Variants in RPTOR observed in about 807,000 individuals in gnomAD.
The protein encoded by RPTOR is regulatory associated protein of MTOR complex 1, also known as regulatory-associated protein of mTOR.
In RPTOR, 21 loss-of-function variants were observed where a neutral mutation model predicts 169.9. The observed-to-expected ratio is 0.12, with a 90% CI of 0.09 to 0.18. The LOEUF (loss-of-function observed/expected upper bound fraction) is 0.18, where lower values mean the gene tolerates loss of function less well. Among genes scored for constraint, RPTOR ranks in the 10% least tolerant of loss-of-function variants. The pLI is 1.00. For missense variants in RPTOR, 1,133 were observed against 1,855.9 expected, an observed-to-expected ratio of 0.61 and a Z score of 7.16; for synonymous variants, 732 against 753.2, an observed-to-expected ratio of 0.97 and a Z score of 0.46.
chr17:80,576,851 G>A (rs1038024129), intron 1 of RPTOR, among the ~76,000 whole-genome samples: 1 of 152,080 alleles, frequency 6.6e-6, no homozygotes, highest in Non-Finnish European at 1.5e-5. Flanking sequence ...CAGCAGGTGT[G>A]TACCACCACA....
At chr17:80,831,766 CCTGTGTGTCA>C (rs558017021) in intron 9 of RPTOR, among the ~76,000 whole-genome samples, 471 of 148,510 alleles carry the variant, frequency 3.2e-3, no homozygotes, top group Non-Finnish European at 5.2e-3. Context: ...ACTATGTATC[CCTGTGTGTCA>C]CTGTGTATCC....
At chr17:80,591,506 G>A (rs1415931515) in intron 1 of RPTOR, among the ~76,000 whole-genome samples, 1 of 150,998 alleles carries the variant, frequency 6.6e-6, no homozygotes. Context: ...AGCCTCCCGA[G>A]TAGCTGGGAC....
intron 5 of RPTOR, among the ~76,000 whole-genome samples, chr17:80,751,402 G>A (rs192963135): frequency 5.3e-5 from 8 of 152,276 alleles, no homozygotes; most frequent in African/African-American, 1.4e-4. Context: ...TGTCCTCGTC[G>A]TCACAGCTCT....
intron 17 of RPTOR, among the ~76,000 whole-genome samples, chr17:80,891,367 T>C (rs1203367903): frequency 1.3e-5 from 2 of 152,238 alleles, no homozygotes; most frequent in South Asian, 2.1e-4. Context: ...AGGGTCCCAG[T>C]GGTCACCGTA....
Position 80,892,849 on chromosome 17 carries a change from A to G in RPTOR, c.2222A>G (p.Asn741Ser). Residue 741 changes from asparagine to serine, a missense_variant, in exon 19 of 34, where the codon AAC becomes AGC. Coordinates refer to ENST00000306801, the MANE Select transcript of RPTOR (RefSeq NM_020761.3). ...TARSLNKSLQNLSLTEESGGA... is the reference protein window; with the variant it reads ...TARSLNKSLQSLSLTEESGGA... ...AGGAGCCTCAACAAATCTTTGCAGA[A>G]CCTGAGTTTGACAGAGGAATGTAAG... The G allele has an allele frequency of 6.2e-7, 1 of 1,614,126 alleles. No homozygotes were observed.
intron 12 of RPTOR, among the ~76,000 whole-genome samples, chr17:80,857,378 C>A (rs2067864655): frequency 6.6e-6 from 1 of 150,700 alleles, no homozygotes; most frequent in Non-Finnish European, 1.5e-5. Context: ...GGAGAGGTGG[C>A]CATGCCGTCA....
At chr17:80,948,267 G>A (rs1188069643) in intron 27 of RPTOR, among the ~76,000 whole-genome samples, 6 of 152,362 alleles carry the variant, frequency 3.9e-5, no homozygotes, top group East Asian at 3.9e-4. Flanking sequence ...ACGCGGTTGC[G>A]GGCTCCTGGT....
At chr17:80,925,329 T>TG (rs2068798699) in intron 23 of RPTOR, 41 bp from the exon 24 acceptor site, 1 of 1,534,188 alleles carries the variant, frequency 6.5e-7, no homozygotes. Flanking sequence ...GACTGACTGG[T>TG]GTTTCTTTTT....
chr17:80,692,356 C>G (rs1056309191), intron 3 of RPTOR, among the ~76,000 whole-genome samples: 1 of 151,986 alleles, frequency 6.6e-6, no homozygotes, highest in African/African-American at 2.4e-5. Context: ...GAGTCTTACT[C>G]TGTTATCCAG....
chr17:80,811,743 G>A (rs1157046047), intron 7 of RPTOR, among the ~76,000 whole-genome samples: 1 of 122,646 alleles, frequency 8.2e-6, no homozygotes, highest in African/African-American at 3.1e-5. Context: ...TCTCCAACAA[G>A]GCCTCAACCT....
intron 13 of RPTOR, among the ~76,000 whole-genome samples, chr17:80,871,823 C>T (rs1009664234): frequency 6.6e-6 from 1 of 152,084 alleles, no homozygotes; most frequent in African/African-American, 2.4e-5. Context: ...TTTCAGTTTG[C>T]CCCTTCTTGA....
chr17:80,885,486 C>A (rs1011506841), intron 17 of RPTOR, among the ~76,000 whole-genome samples: 3 of 44,530 alleles, frequency 6.7e-5, no homozygotes, highest in Non-Finnish European at 1.7e-4. Context: ...GTGCTGGGTC[C>A]CCCCCAACAC....
rs147605662 is a variant in RPTOR, at chr17:80,881,742, G to A, written c.1584+1253G>A. ...AGGCTGCAGTGGGAGGATCGCCTGA[G>A]CCCGGGGAAGTCAAGGCTGCAATGA... On this transcript the variant is annotated intron_variant, in intron 14 of 33. Coordinates refer to ENST00000306801, the MANE Select transcript of RPTOR (RefSeq NM_020761.3). Among the ~76,000 whole-genome samples, 323 of 152,352 alleles carry A rather than the reference G, an allele frequency of 2.1e-3. 1 individual carries two copies. The highest frequency in any genetic ancestry group is 3.6e-3 in the Non-Finnish European group (242 of 68,036).
At chr17:80,616,913 C>T (rs544588892) in intron 1 of RPTOR, among the ~76,000 whole-genome samples, 70 of 152,328 alleles carry the variant, frequency 4.6e-4, no homozygotes, top group Middle Eastern at 3.4e-3. Context: ...TTCCTCACAC[C>T]GGTCCAGCTT....
chr17:80,753,991 C>G lies in RPTOR; in HGVS notation c.655-19C>G, dbSNP rs186115559. 5.6e-6 allele frequency: 9 copies of G among 1,604,104 alleles called. No homozygotes were observed. The highest frequency in any genetic ancestry group is 4.4e-5 in the South Asian group (4 of 90,376). ...GCAGCTAAATCACACTCTCTTTTCC[C>G]GAATGTTCTGCCCTTCAGGTAGCTG... is the stretch of plus-strand genomic sequence containing the variant. On this transcript the variant is annotated intron_variant, in intron 5 of 33. Transcript: ENST00000306801.
chr17:80,697,179 G>T (rs945851077), intron 3 of RPTOR, among the ~76,000 whole-genome samples: 1 of 152,220 alleles, frequency 6.6e-6, no homozygotes, highest in African/African-American at 2.4e-5. Flanking sequence ...CATGGGGGCG[G>T]TCCCCCCACC....
At position 80,893,723 on chromosome 17, in the gene RPTOR, G is replaced by T. The variant is rs774121223; in HGVS notation, c.2259G>T (p.Ala753=). ...SLTEESGGAV[A]FSPGNLSTSS... ...CTCGGGCAGCTGGTGGCGCGGTGGC[G>T]TTCTCCCCCGGAAACCTCAGCACCA... The change falls in exon 20 of 34, where the codon GCG becomes GCT. Residue 753 remains alanine, a synonymous_variant. Coordinates refer to ENST00000306801, the MANE Select transcript of RPTOR (RefSeq NM_020761.3). 2 of 1,609,070 alleles carry T rather than the reference G, an allele frequency of 1.2e-6. No individual in the cohort carries two copies.
intron 6 of RPTOR, among the ~76,000 whole-genome samples, chr17:80,757,998 TCATC>T (rs1165387507): frequency 6.6e-6 from 1 of 152,210 alleles, no homozygotes; most frequent in African/African-American, 2.4e-5. Flanking sequence ...ACTCAGGAGT[TCATC>T]CATTCATTGC....
At chr17:80,700,528 G>A (rs1027307131) in intron 3 of RPTOR, among the ~76,000 whole-genome samples, 1 of 126,278 alleles carries the variant, frequency 7.9e-6, no homozygotes. Flanking sequence ...TGGTGGTGGT[G>A]GTGGTGGTGA....
Sources: allele counts gnomAD v4.1 joint callset (sites outside exome capture counted in the v4.1 genomes callset), GRCh38; gene constraint gnomAD v4.1.1; transcripts MANE v1.5; gene names NCBI Gene and HGNC (gene_info 2026-07-23, HGNC 2026-07-21).